The following ADCY3 variants were observed in gnomAD, a reference collection of about 807,000 sequenced individuals.
ADCY3 encodes adenylate cyclase 3.
ADCY3 carries 70 observed loss-of-function variants against 119.4 expected under a neutral mutation model. The ratio of observed to expected loss-of-function variants is 0.59; its 90% CI spans 0.48 to 0.72. The LOEUF (loss-of-function observed/expected upper bound fraction) is 0.72. Among genes scored for constraint, ADCY3 ranks in the 30% least tolerant of loss-of-function variants. The pLI, the probability that ADCY3 is intolerant of heterozygous loss-of-function variation, is 0.00. For synonymous variants in ADCY3, 672 were observed against 621.4 expected, an observed-to-expected ratio of 1.08 and a Z score of -1.21; for missense variants, 1,238 against 1,541.6, an observed-to-expected ratio of 0.80 and a Z score of 3.30.
At chr2:24,914,258 G>A (rs919785520) in intron 2 of ADCY3, among the ~76,000 whole-genome samples, 17 of 152,178 alleles carry the variant, frequency 1.1e-4, no homozygotes, top group African/African-American at 3.6e-4. Flanking sequence ...GCAGCAATCA[G>A]TGCTCCATGG....
intron 6 of ADCY3, among the ~76,000 whole-genome samples, chr2:24,840,805 G>A (rs1314262265): frequency 1.3e-5 from 2 of 152,198 alleles, no homozygotes; most frequent in African/African-American, 4.8e-5. Context: ...AGAGGCCGGG[G>A]TGGGATCCAG....
intron 2 of ADCY3, among the ~76,000 whole-genome samples, chr2:24,889,140 T>A (rs148694531): frequency 4.8e-4 from 73 of 152,380 alleles, no homozygotes; most frequent in African/African-American, 1.7e-3. Context: ...TTAGGGTGTG[T>A]CCTACCTTCC....
intron 3 of ADCY3, among the ~76,000 whole-genome samples, chr2:24,859,406 G>C (rs1202691508): frequency 6.6e-6 from 1 of 152,158 alleles, no homozygotes; most frequent in African/African-American, 2.4e-5. Context: ...CAGTGGCATG[G>C]TGGGGCTTGG....
At position 24,918,021 on chromosome 2, in the gene ADCY3, C is replaced by G. The variant is rs1664668857; in HGVS notation, c.675+292G>C. 1.3e-5 allele frequency among the ~76,000 whole-genome samples: 2 copies of G among 152,194 alleles called. No individual in the cohort carries two copies. Among genetic ancestry groups the G allele is most frequent in the Non-Finnish European group, 2.9e-5 (2 of 68,024 alleles). On this transcript the variant is annotated intron_variant, in intron 2 of 21. Coordinates refer to ENST00000679454, the MANE Select transcript of ADCY3 (RefSeq NM_004036.5). The surrounding 1 kb of genome is among the most constrained non-coding windows in gnomAD (Gnocchi z 5.4). ...GGGAATGGCCAGGACAATGCTGCCT[C>G]AAGACCAGCCCTGGGTGGGCCTTCC...
intron 16 of ADCY3, among the ~76,000 whole-genome samples, chr2:24,825,329 TGTGGCGGGGG>T (rs2148400813): frequency 1.7e-5 from 1 of 58,364 alleles, no homozygotes; most frequent in African/African-American, 1.1e-4. Flanking sequence ...GTGCGGTGGT[TGTGGCGGGGG>T]GGGGGGGGGT....
At position 24,829,306 on chromosome 2, in the gene ADCY3, C is replaced by A. The variant is rs75579321; in HGVS notation, c.2173-1145G>T. Reference sequence around the variant, plus strand: ...TGCTGGAATTACAAGTGTGAGCCACCGCGCCCGGCCCCCCACTGGACTTCT... The same window carrying A: ...TGCTGGAATTACAAGTGTGAGCCACAGCGCCCGGCCCCCCACTGGACTTCT... On this transcript the variant is annotated intron_variant, in intron 13 of 21. Transcript: ENST00000679454. 6.5e-3 allele frequency among the ~76,000 whole-genome samples: 985 copies of A among 151,502 alleles called. 8 individuals carry two copies. The highest frequency in any genetic ancestry group is 0.011 in the Non-Finnish European group (772 of 67,846).
chr2:24,913,895 G>C (rs1467488520), intron 2 of ADCY3, among the ~76,000 whole-genome samples: 2 of 152,276 alleles, frequency 1.3e-5, no homozygotes, highest in East Asian at 3.9e-4. Flanking sequence ...CTGAAGTAAG[G>C]GTACAAAATA....
intron 16 of ADCY3, among the ~76,000 whole-genome samples, chr2:24,824,983 CAA>C (rs1474130378): frequency 6.6e-6 from 1 of 152,184 alleles, no homozygotes; most frequent in Non-Finnish European, 1.5e-5. Context: ...TAAGACCCTG[CAA>C]AGATTGCACC....
chr2:24,905,467 G>A (rs60131105), intron 2 of ADCY3, among the ~76,000 whole-genome samples: 2,745 of 152,284 alleles, frequency 0.018, 76 homozygotes, highest in African/African-American at 0.063. Flanking sequence ...AATTGTCTAG[G>A]AAAGTTGAAT....
chr2:24,888,144 C>T (rs1013472150), intron 2 of ADCY3, among the ~76,000 whole-genome samples: 4 of 152,230 alleles, frequency 2.6e-5, no homozygotes, highest in Admixed American at 2.6e-4. Flanking sequence ...TCATCACAAA[C>T]ATTCAAACAC....
At chr2:24,917,305 C>T (rs1235993419) in intron 2 of ADCY3, among the ~76,000 whole-genome samples, 3 of 152,256 alleles carry the variant, frequency 2.0e-5, no homozygotes, top group East Asian at 1.9e-4. Flanking sequence ...AACCACAGAA[C>T]AGAGCTGGCG....
chr2:24,911,711 C>CGTGTGT (rs376992455), intron 2 of ADCY3, among the ~76,000 whole-genome samples: 20 of 146,140 alleles, frequency 1.4e-4, no homozygotes, highest in African/African-American at 4.6e-4. Flanking sequence ...TGGTTGTGTA[C>CGTGTGT]GTGTGTGTGT....
intron 11 of ADCY3, among the ~76,000 whole-genome samples, 183 bp from the exon 12 acceptor site, chr2:24,831,932 T>TGGCCAGGGGACAGCGGACAGTGGCCAGG (rs1669595633): frequency 1.2e-5 from 1 of 83,082 alleles, no homozygotes; most frequent in African/African-American, 5.4e-5. Context: ...CAGCGGACAG[T>TGGCCAGGGGACAGCGGACAGTGGCCAGG]GGCCAGGGGA....
chr2:24,821,326 TG>T, intron 20 of ADCY3, 190 bp downstream of exon 20: 1 of 725,290 alleles, frequency 1.4e-6, no homozygotes, highest in Non-Finnish European at 2.2e-6. Context: ...TCACATCAGC[TG>T]GGTTTTTGGT....
In ADCY3 at chr2:24,842,363, G is replaced by GGA; in HGVS notation, c.845_846dup (p.Leu283SerfsTer11). The GGA allele has an allele frequency of 6.2e-7, 1 of 1,614,182 alleles. No homozygotes were observed. Among genetic ancestry groups the GGA allele is most frequent in the Non-Finnish European group, 8.5e-7 (1 of 1,180,040 alleles). On this transcript the variant is annotated frameshift_variant, in exon 4 of 22. Coordinates refer to ENST00000679454, the MANE Select transcript of ADCY3 (RefSeq NM_004036.5). LOFTEE classifies it high-confidence loss of function. The surrounding 1 kb of genome is among the most constrained non-coding windows in gnomAD (Gnocchi z 4.9). ...ATCTCGTCAGCCACGTGCTTGGGCA[G>GGA]GATGGAAAGCATGAGGTTCTCCTGT...
rs1239438858 is a variant in ADCY3 at position 24,912,583 on chromosome 2, GTGCATGTGTGTGTGTGTGTGCA to G, written c.675+5708_675+5729del. 2.5e-3 allele frequency among the ~76,000 whole-genome samples: 102 copies of G among 41,630 alleles called. 2 individuals are homozygous for G. The African/African-American group carries it at 0.025, about 10-fold the overall frequency. The allele number at this position is 41,630 out of a possible 152,430, so 27.3% of individuals were successfully genotyped here. A position where few individuals can be genotyped will look rare whatever the true frequency, so the allele number is the denominator to read the frequency against. Reference sequence around the variant, plus strand: ...TGTGTGTGTGCATGTGTGTGTGTGTGTGCATGTGTGTGTGTGTGTGCATGTGTGTGTGTGTGTGTGTGCCTGC... The same window carrying G: ...TGTGTGTGTGCATGTGTGTGTGTGTGTGTGTGTGTGTGTGTGTGTGCCTGC... On this transcript the variant is annotated intron_variant, in intron 2 of 21. Coordinates refer to ENST00000679454, the MANE Select transcript of ADCY3 (RefSeq NM_004036.5).
intron 2 of ADCY3, among the ~76,000 whole-genome samples, chr2:24,882,806 C>T (rs1310294420): frequency 6.6e-6 from 1 of 152,212 alleles, no homozygotes; most frequent in Non-Finnish European, 1.5e-5. Flanking sequence ...CCTGTAATTC[C>T]AGCACTTTGG....
intron 2 of ADCY3, among the ~76,000 whole-genome samples, chr2:24,889,585 C>G (rs1339768936): frequency 6.6e-6 from 1 of 152,230 alleles, no homozygotes; most frequent in East Asian, 1.9e-4. Context: ...GTAATCCTGC[C>G]CAGCACTTTG....
At chr2:24,914,738 T>C (rs1006774234) in intron 2 of ADCY3, among the ~76,000 whole-genome samples, 3 of 150,800 alleles carry the variant, frequency 2.0e-5, no homozygotes, top group African/African-American at 7.3e-5. Context: ...GTGAGAACCA[T>C]TGGCTAGGTC....
Sources: gnomAD v4.1 joint callset for allele counts (sites outside exome capture counted in the v4.1 genomes callset) on GRCh38, gnomAD v4.1.1 for gene constraint, Gnocchi (gnomAD v3.1) non-coding constraint, MANE v1.5 for transcripts, NCBI Gene and HGNC (gene_info 2026-07-23, HGNC 2026-07-21) for gene names.